The following ZCCHC7 variants were observed in gnomAD, a reference collection of about 807,000 sequenced individuals.
The protein encoded by ZCCHC7 is zinc finger CCHC domain-containing protein 7.
ZCCHC7 carries 35 observed loss-of-function variants against 52.0 expected under a neutral mutation model. That is an observed-to-expected ratio of 0.67 (90% CI 0.51 to 0.89). The LOEUF is 0.89. Ranked by LOEUF, ZCCHC7 falls within the 40% of genes least tolerant of loss-of-function variation. The probability of loss-of-function intolerance (pLI) is 0.00; values close to 1 mark genes in which losing one functional copy is unlikely to be tolerated. For synonymous variants in ZCCHC7, 217 were observed against 221.5 expected, an observed-to-expected ratio of 0.98 and a Z score of 0.18; for missense variants, 574 against 649.1, an observed-to-expected ratio of 0.88 and a Z score of 1.26.
intron 2 of ZCCHC7, among the ~76,000 whole-genome samples, chr9:37,138,359 G>C (rs906728038): frequency 6.6e-6 from 1 of 152,080 alleles, no homozygotes; most frequent in Non-Finnish European, 1.5e-5. Context: ...CTTTGGGTTG[G>C]ATTTTAATAA....
chr9:37,184,177 T>TGAGCTAA (rs2133063860), intron 2 of ZCCHC7, among the ~76,000 whole-genome samples: 2 of 152,330 alleles, frequency 1.3e-5, no homozygotes, highest in East Asian at 3.9e-4. Context: ...AAGTATTAGT[T>TGAGCTAA]GAGCTAATTC....
intron 5 of ZCCHC7, among the ~76,000 whole-genome samples, chr9:37,325,244 T>C (rs1830196124): frequency 6.6e-6 from 1 of 152,246 alleles, no homozygotes; most frequent in Non-Finnish European, 1.5e-5. Context: ...TTTGTATGTT[T>C]TCAGTTGTGT....
Position 37,247,235 on chromosome 9 carries a change from T to TG in ZCCHC7, c.611-54952dup, listed in dbSNP as rs1335168661. On this transcript the variant is annotated intron_variant, in intron 2 of 8. Transcript: ENST00000336755. ...TTTCACACCTCACTTCACAGCTTTG[T>TG]GAAGGAGAGGTAGGTATTTTTATTG... Among the ~76,000 whole-genome samples the TG allele has an allele frequency of 3.3e-5, 5 of 152,178 alleles. 1 individual carries two copies. Among genetic ancestry groups the TG allele is most frequent in the Non-Finnish European group, 7.3e-5 (5 of 68,034 alleles).
At chr9:37,128,881 A>C (rs1398445955) in intron 2 of ZCCHC7, among the ~76,000 whole-genome samples, 6 of 152,258 alleles carry the variant, frequency 3.9e-5, no homozygotes, top group Non-Finnish European at 8.8e-5. Context: ...GGTTAGGCGT[A>C]ACACTATAGA....
intron 2 of ZCCHC7, among the ~76,000 whole-genome samples, chr9:37,282,232 A>T (rs1430221235): frequency 6.6e-6 from 1 of 152,212 alleles, no homozygotes; most frequent in African/African-American, 2.4e-5. Context: ...GAATGTACTT[A>T]ATACCACTGA....
intron 6 of ZCCHC7, among the ~76,000 whole-genome samples, chr9:37,348,347 G>GTTCTTTCTTTCTTTCTTTCTTTCTTTCT (rs58182218): frequency 0.011 from 1,494 of 135,524 alleles, 31 homozygotes; most frequent in African/African-American, 0.029. Context: ...ATACCAGTTC[G>GTTCTTTCTTTCTTTCTTTCTTTCTTTCT]TTCTTTCTTT....
chr9:37,234,100 C>T (rs538940270), intron 2 of ZCCHC7, among the ~76,000 whole-genome samples: 185 of 151,888 alleles, frequency 1.2e-3, no homozygotes, highest in African/African-American at 3.7e-3. Context: ...AACTCCTGAC[C>T]TCAGGTGATC....
intron 2 of ZCCHC7, among the ~76,000 whole-genome samples, chr9:37,251,147 A>G (rs1279965408): frequency 6.6e-6 from 1 of 152,232 alleles, no homozygotes; most frequent in Non-Finnish European, 1.5e-5. Context: ...CAGTAAGCCA[A>G]GCAACCTTTC....
At position 37,200,887 on chromosome 9, in the gene ZCCHC7, T is replaced by A. The variant is rs145762627; in HGVS notation, c.610+73945T>A. ...TGCATGTGTTTTAACTGGTCTTTTT[T>A]AAAATGAAAATGTTCTGTAATGTTA... On this transcript the variant is annotated intron_variant, in intron 2 of 8. Transcript: ENST00000336755. Among the ~76,000 whole-genome samples the A allele has an allele frequency of 3.4e-3, 519 of 152,384 alleles. 3 individuals carry two copies. Among genetic ancestry groups the A allele is most frequent in the Non-Finnish European group, 5.7e-3 (389 of 68,040 alleles).
intron 2 of ZCCHC7, among the ~76,000 whole-genome samples, chr9:37,150,691 G>A (rs1411437767): frequency 1.3e-5 from 2 of 152,142 alleles, no homozygotes; most frequent in South Asian, 2.1e-4. Flanking sequence ...GAAGGGTTCA[G>A]CCAAAATGTC....
chr9:37,283,741 T>C (rs1048615049), intron 2 of ZCCHC7, among the ~76,000 whole-genome samples: 1 of 152,144 alleles, frequency 6.6e-6, no homozygotes, highest in Admixed American at 6.5e-5. Flanking sequence ...AGGGAAATTT[T>C]CCAGTTTATT....
chr9:37,305,475 AT>A (rs1829254025), intron 4 of ZCCHC7, 68 bp from the exon 5 acceptor site: 3 of 1,568,246 alleles, frequency 1.9e-6, no homozygotes, highest in Admixed American at 3.5e-5. Flanking sequence ...ATGGGATTAT[AT>A]TGAAAAACAA....
At chr9:37,249,472 T>TTTTTA (rs1826219346) in intron 2 of ZCCHC7, among the ~76,000 whole-genome samples, 1 of 148,924 alleles carries the variant, frequency 6.7e-6, no homozygotes, top group Admixed American at 6.7e-5. Context: ...TTTTTTTTTT[T>TTTTTA]TTTTATTTGT....
intron 2 of ZCCHC7, among the ~76,000 whole-genome samples, chr9:37,152,035 A>AT (rs1434728716): frequency 6.6e-6 from 1 of 152,186 alleles, no homozygotes; most frequent in African/African-American, 2.4e-5. Context: ...TTCTAATCTG[A>AT]TCTGGCAACC....
chr9:37,258,187 G>GTC (rs1171734816), intron 2 of ZCCHC7, among the ~76,000 whole-genome samples: 3 of 152,118 alleles, frequency 2.0e-5, no homozygotes, highest in Non-Finnish European at 4.4e-5. Context: ...TATCCTTTAT[G>GTC]TCTCTGTTCC....
intron 2 of ZCCHC7, among the ~76,000 whole-genome samples, chr9:37,206,700 A>G (rs2133192381): frequency 1.3e-5 from 2 of 152,214 alleles, no homozygotes; most frequent in East Asian, 3.9e-4. Flanking sequence ...TGGAAATTGC[A>G]GCGACTTTGA....
chr9:37,332,654 G>A (rs1830495155), intron 6 of ZCCHC7, among the ~76,000 whole-genome samples: 2 of 150,930 alleles, frequency 1.3e-5, no homozygotes, highest in South Asian at 4.2e-4. Context: ...CTGGCATGTG[G>A]AACCACATTT....
chr9:37,303,655 C>CTTTTTTTTTTTT lies in ZCCHC7; in HGVS notation c.655-519_655-508dup, dbSNP rs74182940. 3.2e-4 allele frequency among the ~76,000 whole-genome samples: 18 copies of CTTTTTTTTTTTT among 56,774 alleles called. 3 individuals are homozygous for CTTTTTTTTTTTT. The highest frequency in any genetic ancestry group is 1.3e-3 in the African/African-American group (17 of 12,676). 37.2% of individuals were successfully genotyped at this position (56,774 alleles called of 152,430 possible). ...CACCTCCTTTTATGTTTTTCTACCT[C>CTTTTTTTTTTTT]TTTTTTTTTTTTTTTTTTTTTTTTT... On this transcript the variant is annotated intron_variant, in intron 3 of 8. Coordinates refer to ENST00000336755, the MANE Select transcript of ZCCHC7 (RefSeq NM_032226.3).
At chr9:37,206,466 C>T (rs1034851078) in intron 2 of ZCCHC7, among the ~76,000 whole-genome samples, 3 of 152,034 alleles carry the variant, frequency 2.0e-5, no homozygotes, top group Non-Finnish European at 2.9e-5. Flanking sequence ...ATCCTCCCAC[C>T]TCAGCCCCCC....
Sources: allele counts gnomAD v4.1 joint callset (sites outside exome capture counted in the v4.1 genomes callset), GRCh38; gene constraint gnomAD v4.1.1; transcripts MANE v1.5; gene names NCBI Gene and HGNC (gene_info 2026-07-23, HGNC 2026-07-21).